Variants in COL4A2 observed in about 807,000 individuals in gnomAD.
COL4A2 encodes collagen alpha-2(IV) chain.
In COL4A2, 99 loss-of-function variants were observed where a neutral mutation model predicts 200.2. That is an observed-to-expected ratio of 0.49 (90% CI 0.42 to 0.58). The LOEUF (loss-of-function observed/expected upper bound fraction) is 0.58. Ranked by LOEUF, COL4A2 falls within the 20% of genes least tolerant of loss-of-function variation. The pLI is 0.00. For synonymous variants in COL4A2, 897 were observed against 900.6 expected, an observed-to-expected ratio of 1.00 and a Z score of 0.07; for missense variants, 1,950 against 2,314.1, an observed-to-expected ratio of 0.84 and a Z score of 3.23.
At chr13:110,314,221 T>G (rs1594140065) in intron 3 of COL4A2, among the ~76,000 whole-genome samples, 2 of 152,160 alleles carry the variant, frequency 1.3e-5, no homozygotes, top group East Asian at 1.9e-4. Flanking sequence ...ATACAGGGAC[T>G]CTCTGTACTA....
chr13:110,506,992 C>G (rs560353290), intron 46 of COL4A2, among the ~76,000 whole-genome samples: 152 of 152,312 alleles, frequency 1.0e-3, no homozygotes, highest in South Asian at 5.6e-3. Flanking sequence ...TCATGTAAGA[C>G]TCTCCCATAC....
At chr13:110,361,269 GCT>G (rs1489308999) in intron 4 of COL4A2, among the ~76,000 whole-genome samples, 1 of 152,164 alleles carries the variant, frequency 6.6e-6, no homozygotes, top group Non-Finnish European at 1.5e-5. Flanking sequence ...CAGAAGCATT[GCT>G]CTGTCTGCCC....
At chr13:110,467,215 T>A (rs551738705) in intron 27 of COL4A2, 119 bp downstream of exon 27, 28 of 1,330,472 alleles carry the variant, frequency 2.1e-5, no homozygotes, top group Non-Finnish European at 2.8e-5. Flanking sequence ...CATGGTCGTG[T>A]CCAGCATCTC....
chr13:110,385,113 T>A (rs1325887312), intron 4 of COL4A2, among the ~76,000 whole-genome samples: 2 of 151,780 alleles, frequency 1.3e-5, no homozygotes, highest in East Asian at 3.9e-4. Context: ...ATAGAAAAAA[T>A]TAGCCAGGCG....
At chr13:110,484,170 G>A (rs1293891441) in intron 32 of COL4A2, among the ~76,000 whole-genome samples, 1 of 152,102 alleles carries the variant, frequency 6.6e-6, no homozygotes, top group African/African-American at 2.4e-5. Flanking sequence ...CCTCCTTAGG[G>A]TGAAGTTAAC....
intron 36 of COL4A2, among the ~76,000 whole-genome samples, chr13:110,490,096 C>G (rs867784262): frequency 4.6e-5 from 7 of 152,198 alleles, no homozygotes; most frequent in African/African-American, 1.2e-4. Flanking sequence ...AGCACCCTGA[C>G]TCCCGGAACA....
chr13:110,425,100 T>A, intron 6 of COL4A2, 103 bp downstream of exon 6: 1 of 1,425,486 alleles, frequency 7.0e-7, no homozygotes, highest in South Asian at 1.2e-5. Context: ...CTTTTTTGTT[T>A]ATGACATAAA....
Position 110,489,747 on chromosome 13 carries a change from C to G in COL4A2, c.3308C>G (p.Pro1103Arg). 6.2e-7 allele frequency: 1 copy of G among 1,613,878 alleles called. No homozygotes were observed. The highest frequency in any genetic ancestry group is 1.1e-5 in the South Asian group (1 of 90,952). ...GACACTATAAATTTACCAGGAAGAC[C>G]AGGCCTGAAGGGGGAGCGGGGCACC... ...IGDTINLPGR[P>R]GLKGERGTTG... The change falls in exon 36 of 48, where the codon CCA (proline) becomes CGA (arginine). Residue 1103 changes from proline to arginine, a missense_variant. Physicochemically the swap from Pro to Arg is moderately radical, Grantham distance 103. Around this residue, in one of 2 missense-constraint regions of COL4A2, gnomAD observed 1,385 missense variants for 1,720.5 expected, o/e 0.80. Coordinates refer to ENST00000360467, the MANE Select transcript of COL4A2 (RefSeq NM_001846.4).
chr13:110,322,395 G>C (rs1167293579), intron 3 of COL4A2, among the ~76,000 whole-genome samples: 1 of 152,200 alleles, frequency 6.6e-6, no homozygotes, highest in Admixed American at 6.5e-5. Flanking sequence ...GTCTGGGTGG[G>C]AAGCCAGTGA....
At position 110,503,920 on chromosome 13, in the gene COL4A2, G is replaced by C. The variant is rs781225627; in HGVS notation, c.4212G>C (p.Val1404=). Residue 1404 remains valine (V), a synonymous_variant, in exon 44 of 48, where the codon GTG becomes GTC. Coordinates refer to ENST00000360467, the MANE Select transcript of COL4A2 (RefSeq NM_001846.4). ...PQKIAVQPGT[V]GPQGRRGPPG... ...AGATTGCCGTCCAACCAGGGACAGT[G>C]GGTCCCCAGGGGAGGCGAGGCCCCC... 17 of 1,602,854 alleles carry C rather than the reference G, an allele frequency of 1.1e-5. No homozygotes were observed. Among genetic ancestry groups the C allele is most frequent in the Non-Finnish European group, 9.4e-6 (11 of 1,174,342 alleles).
intron 4 of COL4A2, among the ~76,000 whole-genome samples, chr13:110,372,487 A>G (rs1878056567): frequency 6.6e-6 from 1 of 152,240 alleles, no homozygotes; most frequent in Non-Finnish European, 1.5e-5. Context: ...TTTAATAAAA[A>G]TAATCAGTGT....
chr13:110,485,659 C>A lies in COL4A2; in HGVS notation c.3030C>A (p.Ile1010=), dbSNP rs752487484. 19 of 1,598,100 alleles carry A rather than the reference C, an allele frequency of 1.2e-5. No homozygotes were observed. In the Admixed American group the frequency reaches 1.3e-4, roughly 11 times the overall value. The stretch of plus-strand genomic sequence containing the variant: ...CACACCAGGGTCTTCCTGCAGGTAT[C>A]CAAGGAATGCCAGGCATCCCAGGGC... ...GLKGYLGAKG[I]QGMPGIPGLS... The change falls in exon 34 of 48, where the codon ATC becomes ATA. Residue 1010 remains isoleucine (I), a synonymous_variant. Coordinates refer to ENST00000360467, the MANE Select transcript of COL4A2 (RefSeq NM_001846.4).
intron 3 of COL4A2, among the ~76,000 whole-genome samples, chr13:110,354,657 T>A (rs1391712363): frequency 1.3e-5 from 2 of 150,636 alleles, no homozygotes; most frequent in Non-Finnish European, 2.9e-5. Context: ...AACTGATGCA[T>A]CAGATACTAT....
chr13:110,329,496 T>C (rs1875806200), intron 3 of COL4A2, among the ~76,000 whole-genome samples: 2 of 152,190 alleles, frequency 1.3e-5, no homozygotes, highest in African/African-American at 2.4e-5. Flanking sequence ...GCCACATATT[T>C]GTTGTGGTTT....
chr13:110,486,234 G>C lies in COL4A2; in HGVS notation c.3207+398G>C, dbSNP rs928810371. Among the ~76,000 whole-genome samples the C allele has an allele frequency of 2.0e-5, 3 of 152,206 alleles. No homozygotes were observed. In the South Asian group the frequency reaches 6.2e-4, roughly 31 times the overall value. ...CCCGGCAGCCTGGCTTCCCATCCGG[G>C]CCACCGTTCACTCAGCCTTTGTTCA... On this transcript the variant is annotated intron_variant, in intron 34 of 47. Coordinates refer to ENST00000360467, the MANE Select transcript of COL4A2 (RefSeq NM_001846.4).
Position 110,480,175 on chromosome 13 carries a change from G to A in COL4A2, c.2588-45G>A, listed in dbSNP as rs74124618. 13,874 of 1,524,090 alleles carry A rather than the reference G, an allele frequency of 9.1e-3. 530 individuals are homozygous for A. Among genetic ancestry groups the A allele is most frequent in the African/African-American group, 0.08 (5,712 of 71,736 alleles). 94.4% of individuals were successfully genotyped at this position (1,524,090 alleles called of 1,614,324 possible). On this transcript the variant is annotated intron_variant, in intron 30 of 47. Transcript: ENST00000360467. ...TAAAAGCAGAAGAGAAATTTCCCCTGTGTGTGTTTGTCCACCCTGTTTGAT... is the reference window on the plus strand; with the variant it reads ...TAAAAGCAGAAGAGAAATTTCCCCTATGTGTGTTTGTCCACCCTGTTTGAT...
chr13:110,494,869 C>G (rs1393189615), intron 39 of COL4A2, among the ~76,000 whole-genome samples: 2 of 152,242 alleles, frequency 1.3e-5, no homozygotes, highest in African/African-American at 4.8e-5. Context: ...ACTCCTGCGT[C>G]ATTAACACTC....
chr13:110,356,030 C>T (rs1033689492), intron 3 of COL4A2, among the ~76,000 whole-genome samples: 1 of 152,156 alleles, frequency 6.6e-6, no homozygotes, highest in African/African-American at 2.4e-5. Flanking sequence ...ACTCTGATTG[C>T]CATCATCTCA....
At chr13:110,312,053 C>T (rs906868156) in intron 3 of COL4A2, among the ~76,000 whole-genome samples, 7 of 152,204 alleles carry the variant, frequency 4.6e-5, no homozygotes, top group East Asian at 1.9e-4. Flanking sequence ...CTGTAAGGAT[C>T]GGGAAGGACA....
Sources: allele counts gnomAD v4.1 joint callset (sites outside exome capture counted in the v4.1 genomes callset), GRCh38; gene constraint gnomAD v4.1.1; regional missense constraint gnomAD v4.1.1; transcripts MANE v1.5; gene names NCBI Gene and HGNC (gene_info 2026-07-23, HGNC 2026-07-21).